Variants in ATP6V0D2 observed in about 807,000 individuals in gnomAD.
The protein encoded by ATP6V0D2 is V-type proton ATPase subunit d 2.
A neutral mutation model predicts 40.0 loss-of-function variants in ATP6V0D2; 40 were observed. The observed-to-expected ratio is 1.00, with a 90% CI of 0.78 to 1.30. The LOEUF (loss-of-function observed/expected upper bound fraction) is 1.30, where lower values mean the gene tolerates loss of function less well. ATP6V0D2 is among the 50% of genes most tolerant of loss of function. The pLI is 0.00. For synonymous variants in ATP6V0D2, 179 were observed against 156.3 expected (o/e 1.15, Z -1.08); for missense variants, 470 against 423.1 (o/e 1.11, Z -0.97).
rs779838823 is a variant in ATP6V0D2 at position 86,139,533 on chromosome 8, G to A, written c.379G>A (p.Gly127Arg). The A allele has an allele frequency of 1.6e-5, 26 of 1,613,616 alleles. No individual in the cohort carries two copies. The highest frequency in any genetic ancestry group is 2.1e-5 in the Non-Finnish European group (25 of 1,179,850). Residue 127 changes from glycine (G) to arginine (R), a missense_variant, in exon 3 of 8, where the codon GGG becomes AGG. Transcript: ENST00000285393. ...GAAAAAATCTGTGAAAGAAATTCTGGGGAAGTGCCACCCCTTGGGCCGTTT... is the reference window on the plus strand; with the variant it reads ...GAAAAAATCTGTGAAAGAAATTCTGAGGAAGTGCCACCCCTTGGGCCGTTT... ...LQKKSVKEIL[G>R]KCHPLGRFTE...
intron 5 of ATP6V0D2, among the ~76,000 whole-genome samples, chr8:86,145,829 C>T (rs1163175702): frequency 6.6e-6 from 1 of 152,152 alleles, no homozygotes; most frequent in East Asian, 1.9e-4. Flanking sequence ...GACTCATAAC[C>T]TTATCAAAGG....
chr8:86,118,258 G>C (rs1818623600), intron 2 of ATP6V0D2, among the ~76,000 whole-genome samples: 1 of 147,176 alleles, frequency 6.8e-6, no homozygotes. Context: ...TTTTTTAGTA[G>C]AGATAGGGTT....
intron 1 of ATP6V0D2, among the ~76,000 whole-genome samples, chr8:86,106,605 G>A (rs919350013): frequency 4.6e-5 from 7 of 152,172 alleles, no homozygotes; most frequent in African/African-American, 1.7e-4. Context: ...TGGAATTCCT[G>A]AAATAGTTCT....
Position 86,149,066 on chromosome 8 carries a change from A to AAC in ATP6V0D2, c.640-1045_640-1044insCA, listed in dbSNP as rs1227078770. ...AATCTCCAAAGGAAGAAAAAAAAAAAAAAAAAAAACCAATGAACAAGAAAG... is the reference window on the plus strand; with the variant it reads ...AATCTCCAAAGGAAGAAAAAAAAAAAACAAAAAAAAACCAATGAACAAGAAAG... On this transcript the variant is annotated intron_variant, in intron 5 of 7. Coordinates refer to ENST00000285393, the MANE Select transcript of ATP6V0D2 (RefSeq NM_152565.1). Among the ~76,000 whole-genome samples the AAC allele has an allele frequency of 2.5e-3, 368 of 149,872 alleles. 16 individuals carry two copies. The highest frequency in any genetic ancestry group is 4.7e-3 in the Non-Finnish European group (314 of 67,372).
chr8:86,110,559 G>C (rs1818518065), intron 1 of ATP6V0D2, among the ~76,000 whole-genome samples: 1 of 152,196 alleles, frequency 6.6e-6, no homozygotes, highest in African/African-American at 2.4e-5. Flanking sequence ...GAGTTGGAAG[G>C]CTTTTAAGGG....
chr8:86,144,600 A>G (rs1314311075), intron 5 of ATP6V0D2, among the ~76,000 whole-genome samples: 3 of 152,240 alleles, frequency 2.0e-5, no homozygotes, highest in South Asian at 2.1e-4. Flanking sequence ...CTTCTGATAT[A>G]GAAAAAGGAA....
intron 3 of ATP6V0D2, among the ~76,000 whole-genome samples, chr8:86,141,200 C>T (rs962120406): frequency 4.6e-5 from 7 of 152,190 alleles, no homozygotes; most frequent in East Asian, 1.9e-4. Flanking sequence ...TAACAGGCCA[C>T]GGACTGGTGT....
chr8:86,104,697 C>T (rs1345434526), intron 1 of ATP6V0D2, among the ~76,000 whole-genome samples: 1 of 152,072 alleles, frequency 6.6e-6, no homozygotes, highest in Admixed American at 6.6e-5. Context: ...ACACCTATTA[C>T]TTATTTTTAA....
At chr8:86,118,609 G>T (rs1217133774) in intron 2 of ATP6V0D2, among the ~76,000 whole-genome samples, 1 of 152,090 alleles carries the variant, frequency 6.6e-6, no homozygotes, top group Non-Finnish European at 1.5e-5. Context: ...TCAATAGCTG[G>T]CATGAGAGAG....
At chr8:86,145,353 G>GGAAAGAAGGAAA (rs200562574) in intron 5 of ATP6V0D2, among the ~76,000 whole-genome samples, 20 of 78,874 alleles carry the variant, frequency 2.5e-4, no homozygotes, top group Middle Eastern at 6.4e-3. Context: ...AAGGAAAGAA[G>GGAAAGAAGGAAA]GAAGGAAGGA....
At chr8:86,133,573 A>T (rs1307150979) in intron 2 of ATP6V0D2, among the ~76,000 whole-genome samples, 1 of 151,782 alleles carries the variant, frequency 6.6e-6, no homozygotes, top group Non-Finnish European at 1.5e-5. Flanking sequence ...CACCCACCTC[A>T]GCCTCCCAAA....
chr8:86,107,443 T>G (rs1818482611), intron 1 of ATP6V0D2, among the ~76,000 whole-genome samples: 1 of 151,884 alleles, frequency 6.6e-6, no homozygotes, highest in African/African-American at 2.4e-5. Context: ...AGGACAAGAG[T>G]CAGGTATGAT....
intron 2 of ATP6V0D2, among the ~76,000 whole-genome samples, chr8:86,127,265 C>G (rs1818757456): frequency 6.6e-6 from 1 of 152,096 alleles, no homozygotes; most frequent in Admixed American, 6.6e-5. Context: ...TGAACAAATC[C>G]ACAGTATAAC....
At chr8:86,115,296 C>T (rs1818578191) in intron 2 of ATP6V0D2, among the ~76,000 whole-genome samples, 1 of 150,588 alleles carries the variant, frequency 6.6e-6, no homozygotes, top group African/African-American at 2.5e-5. Flanking sequence ...ATCCGCTTAT[C>T]TGACCAGGAA....
chr8:86,104,878 C>CACACACACACACACACAT (rs928397464), intron 1 of ATP6V0D2, among the ~76,000 whole-genome samples: 1 of 151,626 alleles, frequency 6.6e-6, no homozygotes, highest in Non-Finnish European at 1.5e-5. Flanking sequence ...CACACACACA[C>CACACACACACACACACAT]ATCAAGAGCT....
At chr8:86,138,640 G>A (rs1422332665) in intron 2 of ATP6V0D2, among the ~76,000 whole-genome samples, 2 of 152,218 alleles carry the variant, frequency 1.3e-5, no homozygotes, top group East Asian at 3.8e-4. Flanking sequence ...AATTCACAAT[G>A]TGATCTCATG....
intron 2 of ATP6V0D2, among the ~76,000 whole-genome samples, chr8:86,131,614 C>G (rs1818826504): frequency 6.6e-6 from 1 of 152,042 alleles, no homozygotes; most frequent in Non-Finnish European, 1.5e-5. Flanking sequence ...GATTCTCTTG[C>G]CTCAGCCTCC....
intron 5 of ATP6V0D2, among the ~76,000 whole-genome samples, chr8:86,143,223 T>C (rs189401927): frequency 3.1e-4 from 47 of 152,314 alleles, no homozygotes; most frequent in Middle Eastern, 3.4e-3. Flanking sequence ...TTATGATTCA[T>C]TTTAATGTAG....
At chr8:86,138,909 A>T (rs1411858493) in intron 2 of ATP6V0D2, among the ~76,000 whole-genome samples, 1 of 152,162 alleles carries the variant, frequency 6.6e-6, no homozygotes, top group Non-Finnish European at 1.5e-5. Context: ...TTATTTAGTT[A>T]GTTGTTAGAA....
Sources: allele counts gnomAD v4.1 joint callset (sites outside exome capture counted in the v4.1 genomes callset), GRCh38; gene constraint gnomAD v4.1.1; transcripts MANE v1.5; gene names NCBI Gene and HGNC (gene_info 2026-07-23, HGNC 2026-07-21).